The following RAB28 variants were observed in gnomAD, a reference collection of about 807,000 sequenced individuals.
RAB28 encodes RAB28, member RAS oncogene family.
In RAB28, 24 loss-of-function variants were observed where a neutral mutation model predicts 31.7. That is an observed-to-expected ratio of 0.76 (90% CI 0.55 to 1.06). RAB28 has a LOEUF of 1.06. Among genes scored for constraint, RAB28 ranks in the 50% least tolerant of loss-of-function variants. The pLI is 0.00. For synonymous variants in RAB28, 100 were observed against 90.4 expected (o/e 1.11, Z -0.60); for missense variants, 254 against 258.5 (o/e 0.98, Z 0.12).
chr4:13,388,891 G>A (rs1338393000), intron 4 of RAB28, among the ~76,000 whole-genome samples: 1 of 151,984 alleles, frequency 6.6e-6, no homozygotes, highest in East Asian at 1.9e-4. Context: ...AACTGTATGG[G>A]GTTTCTGAGA....
At chr4:13,476,098 G>A (rs556453618) in intron 2 of RAB28, among the ~76,000 whole-genome samples, 1 of 151,534 alleles carries the variant, frequency 6.6e-6, no homozygotes, top group Admixed American at 6.6e-5. Flanking sequence ...CAGAGCCAAT[G>A]GTCCTTATTG....
chr4:13,419,202 A>G (rs1712972037), intron 4 of RAB28, among the ~76,000 whole-genome samples: 1 of 152,234 alleles, frequency 6.6e-6, no homozygotes, highest in Admixed American at 6.5e-5. Context: ...AGAGCCAGCT[A>G]TCCTAAATAT....
chr4:13,430,733 A>G (rs1396653851), intron 4 of RAB28, among the ~76,000 whole-genome samples: 1 of 152,116 alleles, frequency 6.6e-6, no homozygotes, highest in Non-Finnish European at 1.5e-5. Flanking sequence ...GATGCACCAC[A>G]AATACACCCA....
chr4:13,432,197 G>A (rs1279309889), intron 4 of RAB28, among the ~76,000 whole-genome samples: 1 of 152,026 alleles, frequency 6.6e-6, no homozygotes, highest in Non-Finnish European at 1.5e-5. Flanking sequence ...GAATTTCAGA[G>A]CTTGAATACC....
intron 3 of RAB28, among the ~76,000 whole-genome samples, chr4:13,462,908 G>A (rs563315859): frequency 2.6e-5 from 4 of 152,258 alleles, no homozygotes; most frequent in African/African-American, 9.6e-5. Flanking sequence ...ACCTCCAACT[G>A]CCATGGGTGA....
chr4:13,429,880 G>T (rs946279089), intron 4 of RAB28, among the ~76,000 whole-genome samples: 10 of 152,090 alleles, frequency 6.6e-5, no homozygotes, highest in African/African-American at 2.4e-4. Flanking sequence ...ACTTACTACA[G>T]TAATCTAGTT....
chr4:13,464,756 A>G (rs1020219883), intron 3 of RAB28, among the ~76,000 whole-genome samples: 6 of 152,140 alleles, frequency 3.9e-5, no homozygotes, highest in African/African-American at 1.2e-4. Flanking sequence ...ATTACTCAGT[A>G]TATCATGTCC....
intron 4 of RAB28, among the ~76,000 whole-genome samples, chr4:13,405,165 CA>C (rs1251443495): frequency 6.6e-6 from 1 of 152,098 alleles, no homozygotes; most frequent in Non-Finnish European, 1.5e-5. Context: ...AAAACATAGC[CA>C]AAATCCCAAT....
chr4:13,408,395 G>T (rs1712225808), intron 4 of RAB28, among the ~76,000 whole-genome samples: 1 of 152,172 alleles, frequency 6.6e-6, no homozygotes. Context: ...TCTTAGATGT[G>T]CTGCTGGATT....
chr4:13,413,653 GT>G (rs1440955679), intron 4 of RAB28, among the ~76,000 whole-genome samples: 1 of 152,082 alleles, frequency 6.6e-6, no homozygotes, highest in Admixed American at 6.5e-5. Context: ...TATGCATGAT[GT>G]ATAAAAACAA....
chr4:13,370,829 T>C (rs1728687068), intron 6 of RAB28: 5 of 966,446 alleles, frequency 5.2e-6, no homozygotes, highest in African/African-American at 1.8e-5. Context: ...TGCTTTCAAA[T>C]ATCTAAGAGT....
intron 4 of RAB28, among the ~76,000 whole-genome samples, chr4:13,393,870 A>AAC (rs1216060235): frequency 2.1e-4 from 32 of 151,964 alleles, no homozygotes; most frequent in Admixed American, 9.8e-4. Context: ...AAAAAAAAAA[A>AAC]AAAACAGTAC....
intron 4 of RAB28, among the ~76,000 whole-genome samples, chr4:13,403,280 T>C (rs73819838): frequency 0.063 from 9,625 of 152,244 alleles, 714 homozygotes; most frequent in African/African-American, 0.18. Flanking sequence ...ATTTTTCCTG[T>C]GATTAAAAGA....
At chr4:13,449,215 G>A (rs1175693986) in intron 4 of RAB28, among the ~76,000 whole-genome samples, 1 of 151,820 alleles carries the variant, frequency 6.6e-6, no homozygotes, top group Non-Finnish European at 1.5e-5. Context: ...AAGTTGATAT[G>A]AATCCTTCAA....
At chr4:13,479,744 T>G (rs1716525182) in intron 1 of RAB28, among the ~76,000 whole-genome samples, 1 of 151,592 alleles carries the variant, frequency 6.6e-6, no homozygotes, top group African/African-American at 2.4e-5. Flanking sequence ...ACTAATGAGT[T>G]AGATCTCTTT....
intron 3 of RAB28, among the ~76,000 whole-genome samples, chr4:13,469,907 T>C (rs910040713): frequency 5.9e-5 from 9 of 151,972 alleles, no homozygotes; most frequent in Non-Finnish European, 2.9e-5. Flanking sequence ...CTGAGGCTGG[T>C]CTCATGCTCC....
At chr4:13,403,175 A>AT (rs1202697648) in intron 4 of RAB28, among the ~76,000 whole-genome samples, 1 of 152,210 alleles carries the variant, frequency 6.6e-6, no homozygotes, top group African/African-American at 2.4e-5. Flanking sequence ...ACAGAAACAG[A>AT]TAAGTGTGGC....
chr4:13,422,029 T>A (rs1411349849), intron 4 of RAB28, among the ~76,000 whole-genome samples: 1 of 150,994 alleles, frequency 6.6e-6, no homozygotes, highest in Non-Finnish European at 1.5e-5. Context: ...ATCTAGAATC[T>A]ACAAAGAACT....
At chr4:13,445,985 C>G (rs372276669) in intron 4 of RAB28, among the ~76,000 whole-genome samples, 17 of 152,166 alleles carry the variant, frequency 1.1e-4, no homozygotes, top group African/African-American at 3.6e-4. Flanking sequence ...GCCCCTCCCC[C>G]CAGGTGCTCT....
Sources: gnomAD v4.1 joint callset for allele counts (sites outside exome capture counted in the v4.1 genomes callset) on GRCh38, gnomAD v4.1.1 for gene constraint, MANE v1.5 for transcripts, NCBI Gene and HGNC (gene_info 2026-07-23, HGNC 2026-07-21) for gene names.